The following EVI5 variants were observed in gnomAD, a reference collection of about 807,000 sequenced individuals.
EVI5 encodes the protein ecotropic viral integration site 5.
Under a neutral mutation model 112.0 loss-of-function variants are expected in EVI5, and 73 were observed. The ratio of observed to expected loss-of-function variants is 0.65; its 90% CI spans 0.54 to 0.79. The LOEUF (loss-of-function observed/expected upper bound fraction) is 0.79. Among genes scored for constraint, EVI5 ranks in the 30% least tolerant of loss-of-function variants. The pLI is 0.00. For synonymous variants in EVI5, 305 were observed against 319.9 expected (o/e 0.95, Z 0.50); for missense variants, 900 against 968.8 (o/e 0.93, Z 0.94).
intron 18 of EVI5, among the ~76,000 whole-genome samples, chr1:92,574,507 G>A (rs1000918667): frequency 1.3e-5 from 2 of 152,150 alleles, no homozygotes; most frequent in Non-Finnish European, 2.9e-5. Context: ...TTATAGTGCA[G>A]CAAAACTGAG....
chr1:92,743,284 C>T lies in EVI5; in HGVS notation c.-81-6657G>A, dbSNP rs139291758. On this transcript the variant is annotated intron_variant, in intron 1 of 19. Coordinates refer to ENST00000684568, the MANE Select transcript of EVI5 (RefSeq NM_001350197.2). ...AAGAGAATCGCTTGAACCCAGGAGG[C>T]GGAGGTTGCAGTGCATCAAGATCGT... Among the ~76,000 whole-genome samples, 361 of 151,940 alleles carry T rather than the reference C, an allele frequency of 2.4e-3. 1 individual carries two copies. Among genetic ancestry groups the T allele is most frequent in the African/African-American group, 8.3e-3 (346 of 41,440 alleles).
intron 18 of EVI5, among the ~76,000 whole-genome samples, chr1:92,589,312 C>T (rs562190511): frequency 1.1e-4 from 17 of 152,232 alleles, no homozygotes; most frequent in East Asian, 1.9e-4. Flanking sequence ...CGAAGTAGGA[C>T]GAGGCATCAC....
Position 92,703,403 on chromosome 1 carries a change from C to A in EVI5, c.556G>T (p.Val186Leu). Residue 186 changes from valine (V) to leucine (L), a missense_variant, in exon 4 of 20, where the codon GTA becomes TTA. Val to Leu is a conservative substitution (Grantham distance 32). Transcript: ENST00000684568. ...GAATAAATAAAACTTACCTTCATTACATTAAATAAAACCTCCTGTCCAAGG... is the reference window on the plus strand; with the variant it reads ...GAATAAATAAAACTTACCTTCATTAAATTAAATAAAACCTCCTGTCCAAGG... ...DSLGQEVLFN[V>L]MKAYSLVDRE... 6.5e-7 allele frequency: 1 copy of A among 1,538,396 alleles called. No homozygotes were observed. The highest frequency in any genetic ancestry group is 8.8e-7 in the Non-Finnish European group (1 of 1,140,698).
chr1:92,536,792 T>C (rs1248695586), intron 19 of EVI5, among the ~76,000 whole-genome samples: 1 of 152,170 alleles, frequency 6.6e-6, no homozygotes, highest in Non-Finnish European at 1.5e-5. Context: ...GGAGACAATG[T>C]GCTGTGTGTC....
intron 2 of EVI5, among the ~76,000 whole-genome samples, chr1:92,724,772 C>T (rs1675299765): frequency 6.6e-6 from 1 of 152,044 alleles, no homozygotes; most frequent in African/African-American, 2.4e-5. Flanking sequence ...GGCACCATTG[C>T]ACTCCAGCCT....
At chr1:92,524,123 G>T (rs796066448) in intron 19 of EVI5, among the ~76,000 whole-genome samples, 2 of 136,252 alleles carry the variant, frequency 1.5e-5, no homozygotes, top group African/African-American at 5.4e-5. Context: ...AAAAAAAAAA[G>T]AAACTGCCTG....
intron 5 of EVI5, 87 bp downstream of exon 5, chr1:92,702,054 A>AT: frequency 1.5e-6 from 1 of 664,252 alleles, no homozygotes; most frequent in Admixed American, 3.3e-5. Context: ...ATCCACTTAC[A>AT]TTTAATAAAA....
chr1:92,697,831 A>C, intron 6 of EVI5, 29 bp downstream of exon 6: 1 of 1,576,128 alleles, frequency 6.3e-7, no homozygotes, highest in Non-Finnish European at 8.7e-7. Flanking sequence ...TAAAGGCAAT[A>C]TGCCTTTTTA....
At chr1:92,614,620 T>A (rs1652611225) in intron 16 of EVI5, among the ~76,000 whole-genome samples, 1 of 151,976 alleles carries the variant, frequency 6.6e-6, no homozygotes, top group South Asian at 2.1e-4. Context: ...CCAGCCTACA[T>A]CTTTGTCCCG....
chr1:92,713,573 T>C (rs1673156785), intron 2 of EVI5, among the ~76,000 whole-genome samples: 1 of 152,006 alleles, frequency 6.6e-6, no homozygotes. Flanking sequence ...GTCAGGAGTT[T>C]GAGACCAGCC....
chr1:92,619,783 G>A, intron 16 of EVI5, among the ~76,000 whole-genome samples: 1 of 151,332 alleles, frequency 6.6e-6, no homozygotes, highest in Middle Eastern at 3.4e-3. Flanking sequence ...TTTTGTTAAA[G>A]AAAAGCTAGA....
In EVI5 at chr1:92,606,626, G is replaced by C. The variant is rs570135583; in HGVS notation, c.1974+955C>G. The stretch of plus-strand genomic sequence containing the variant: ...TTATAAGGATGTAATTTCATCTCTG[G>C]ATTTCAGTGACACTGATAAACCATT... On this transcript the variant is annotated intron_variant, in intron 17 of 19. Coordinates refer to ENST00000684568, the MANE Select transcript of EVI5 (RefSeq NM_001350197.2). 2.1e-3 allele frequency among the ~76,000 whole-genome samples: 314 copies of C among 152,172 alleles called. 10 individuals carry two copies. The highest frequency in any genetic ancestry group is 6.3e-4 in the Non-Finnish European group (43 of 68,006).
chr1:92,565,668 T>C (rs982120024), intron 18 of EVI5, among the ~76,000 whole-genome samples: 3 of 151,956 alleles, frequency 2.0e-5, no homozygotes, highest in African/African-American at 7.3e-5. Context: ...AAGTACCAAA[T>C]AGAACTGTTC....
intron 2 of EVI5, among the ~76,000 whole-genome samples, chr1:92,729,622 G>A (rs976458957): frequency 4.6e-5 from 7 of 151,956 alleles, no homozygotes; most frequent in African/African-American, 1.5e-4. Flanking sequence ...TAGATCAAAT[G>A]GTATAGTATT....
chr1:92,715,406 T>TA (rs1479110616), intron 2 of EVI5, among the ~76,000 whole-genome samples: 1 of 152,190 alleles, frequency 6.6e-6, no homozygotes, highest in African/African-American at 2.4e-5. Context: ...AAGAGTGACT[T>TA]AAACTTCTGC....
rs183717081 is a variant in EVI5 at position 92,660,700 on chromosome 1, A to C, written c.1392+2019T>G. On this transcript the variant is annotated intron_variant, in intron 13 of 19. Coordinates refer to ENST00000684568, the MANE Select transcript of EVI5 (RefSeq NM_001350197.2). ...ATCAAAAAAGTGAATAGATATGCTA[A>C]GTGAAAGAAGCCAGACATAAAAGTC... Among the ~76,000 whole-genome samples, 41 of 152,172 alleles carry C rather than the reference A, an allele frequency of 2.7e-4. 1 individual carries two copies. The highest frequency in any genetic ancestry group is 9.6e-4 in the African/African-American group (40 of 41,580).
chr1:92,513,514 T>A lies in EVI5; in HGVS notation c.*142A>T, dbSNP rs548715553. The stretch of plus-strand genomic sequence containing the variant: ...AAAAGGCAGATAAGACTGTAAAATA[T>A]ATATATATATATATATATATATATA... On this transcript the variant is annotated 3_prime_UTR_variant, in exon 20 of 20. Transcript: ENST00000684568. The A allele has an allele frequency of 2.6e-4, 6 of 23,006 alleles. No individual in the cohort carries two copies. The highest frequency in any genetic ancestry group is 1.7e-3 in the African/African-American group (2 of 1,166). The allele number at this position is 23,006 out of a possible 1,614,324, so 1.4% of individuals were successfully genotyped here.
At chr1:92,526,870 A>G (rs1661964431) in intron 19 of EVI5, among the ~76,000 whole-genome samples, 1 of 152,230 alleles carries the variant, frequency 6.6e-6, no homozygotes, top group South Asian at 2.1e-4. Context: ...TAATGTGTCA[A>G]TGTTGGCTCA....
chr1:92,735,590 ATATAT>A (rs1207383982), intron 2 of EVI5, among the ~76,000 whole-genome samples: 11 of 146,844 alleles, frequency 7.5e-5, no homozygotes, highest in Non-Finnish European at 1.0e-4. Flanking sequence ...TATATAATGT[ATATAT>A]TATATTATGT....
Sources: gnomAD v4.1 joint callset for allele counts (sites outside exome capture counted in the v4.1 genomes callset) on GRCh38, gnomAD v4.1.1 for gene constraint, MANE v1.5 for transcripts, NCBI Gene and HGNC (gene_info 2026-07-23, HGNC 2026-07-21) for gene names.